The following PRKAR2B variants were observed in gnomAD, a reference collection of about 807,000 sequenced individuals.
PRKAR2B encodes the protein protein kinase cAMP-dependent type II regulatory subunit beta, also known as cAMP-dependent protein kinase type II-beta regulatory subunit.
A neutral mutation model predicts 49.9 loss-of-function variants in PRKAR2B; 14 were observed. The observed-to-expected ratio is 0.28, with a 90% confidence interval of 0.19 to 0.44. The LOEUF (loss-of-function observed/expected upper bound fraction) is 0.44. Among genes scored for constraint, PRKAR2B ranks in the 20% least tolerant of loss-of-function variants. PRKAR2B has a pLI of 1.00. For synonymous variants in PRKAR2B, 196 were observed against 197.7 expected (o/e 0.99, Z 0.07); for missense variants, 393 against 537.9 (o/e 0.73, Z 2.67).
intron 1 of PRKAR2B, among the ~76,000 whole-genome samples, chr7:107,052,727 C>T (rs1793831478): frequency 6.6e-6 from 1 of 152,224 alleles, no homozygotes; most frequent in South Asian, 2.1e-4. Context: ...TAAAAGTTTG[C>T]AGGCTAGCCC....
At chr7:107,136,979 G>A (rs1298926316) in intron 4 of PRKAR2B, among the ~76,000 whole-genome samples, 1 of 152,176 alleles carries the variant, frequency 6.6e-6, no homozygotes, top group African/African-American at 2.4e-5. Flanking sequence ...GAGTGATCTA[G>A]TTATGAAAAG....
chr7:107,156,972 T>G lies in PRKAR2B; in HGVS notation c.919-12T>G. ...CATTTTCACCGTCTGTTTTTGTTAT[T>G]GATTCCAATAGGGAGATTCGGCTGA... is the stretch of plus-strand genomic sequence containing the variant. On this transcript the variant is annotated splice_polypyrimidine_tract_variant and intron_variant, in intron 8 of 10. Coordinates refer to ENST00000265717, the MANE Select transcript of PRKAR2B (RefSeq NM_002736.3). 6.2e-7 allele frequency: 1 copy of G among 1,600,018 alleles called. No individual in the cohort carries two copies. The highest frequency in any genetic ancestry group is 1.1e-5 in the South Asian group (1 of 90,272).
chr7:107,119,749 C>T (rs1795354716), intron 2 of PRKAR2B, among the ~76,000 whole-genome samples: 1 of 152,182 alleles, frequency 6.6e-6, no homozygotes, highest in African/African-American at 2.4e-5. Context: ...CTTTGGTTTT[C>T]CAGCAGGGAG....
intron 1 of PRKAR2B, among the ~76,000 whole-genome samples, chr7:107,058,992 AT>A (rs1330945030): frequency 6.6e-6 from 1 of 151,740 alleles, no homozygotes; most frequent in East Asian, 1.9e-4. Flanking sequence ...AAGGTTTTTT[AT>A]TTTTTTTCCT....
intron 2 of PRKAR2B, among the ~76,000 whole-genome samples, chr7:107,084,623 CT>C (rs1228159993): frequency 2.1e-3 from 302 of 140,902 alleles, no homozygotes; most frequent in Non-Finnish European, 2.0e-3. Flanking sequence ...CATCTATATA[CT>C]TTTTTTTTTT....
At chr7:107,131,489 G>A (rs1208614515) in intron 4 of PRKAR2B, among the ~76,000 whole-genome samples, 1 of 152,068 alleles carries the variant, frequency 6.6e-6, no homozygotes, top group East Asian at 1.9e-4. Flanking sequence ...TTTTTTCACT[G>A]CTTTGCTGAA....
At chr7:107,067,195 T>C in intron 1 of PRKAR2B, 1 of 152,340 alleles carries the variant, frequency 6.6e-6, no homozygotes, top group Non-Finnish European at 1.5e-5. Context: ...ATTTCTTTAT[T>C]TCCAGCAAGG....
chr7:107,067,427 T>G (rs1379977664), intron 1 of PRKAR2B: 1 of 152,196 alleles, frequency 6.6e-6, no homozygotes, highest in Admixed American at 6.6e-5. Flanking sequence ...ACCACTTGCT[T>G]GGTGCACCCA....
chr7:107,145,900 C>T lies in PRKAR2B; in HGVS notation c.588-408C>T, dbSNP rs535064578. ...GATTATGGGATCCCGCCATCACACCCGGCTAATATTTTGTATTTTTAATAG... is the reference window on the plus strand; with the variant it reads ...GATTATGGGATCCCGCCATCACACCTGGCTAATATTTTGTATTTTTAATAG... On this transcript the variant is annotated intron_variant, in intron 5 of 10. Coordinates refer to ENST00000265717, the MANE Select transcript of PRKAR2B (RefSeq NM_002736.3). 8.6e-4 allele frequency among the ~76,000 whole-genome samples: 131 copies of T among 151,820 alleles called. 1 individual carries two copies. The highest frequency in any genetic ancestry group is 2.2e-3 in the African/African-American group (90 of 41,360).
intron 6 of PRKAR2B, among the ~76,000 whole-genome samples, chr7:107,147,867 A>G (rs954937649): frequency 6.6e-6 from 1 of 152,224 alleles, no homozygotes; most frequent in African/African-American, 2.4e-5. Context: ...TCCAAGGACT[A>G]CTGTATATAG....
intron 1 of PRKAR2B, among the ~76,000 whole-genome samples, chr7:107,064,510 G>C (rs377395818): frequency 2.0e-5 from 3 of 152,158 alleles, no homozygotes; most frequent in Admixed American, 1.3e-4. Flanking sequence ...AAGAAGAAAA[G>C]TGGTCTCCCA....
chr7:107,123,738 G>A (rs768604157), intron 3 of PRKAR2B, among the ~76,000 whole-genome samples: 2 of 152,208 alleles, frequency 1.3e-5, no homozygotes, highest in African/African-American at 2.4e-5. Flanking sequence ...GCAGTTACTA[G>A]AGGAGGAGGA....
chr7:107,103,700 T>A (rs1795017834), intron 2 of PRKAR2B, among the ~76,000 whole-genome samples: 1 of 152,256 alleles, frequency 6.6e-6, no homozygotes, highest in Non-Finnish European at 1.5e-5. Flanking sequence ...ACTGGCTTTT[T>A]CTATCGGTAG....
rs1584460107 is a variant in PRKAR2B at position 107,160,525 on chromosome 7, C to T, written c.*943C>T. 1 of 152,138 alleles carries T rather than the reference C, an allele frequency of 6.6e-6. No individual in the cohort carries two copies. The highest frequency in any genetic ancestry group is 6.5e-5 in the Admixed American group (1 of 15,272). The allele number at this position is 152,138 out of a possible 1,614,324, so 9.4% of individuals were successfully genotyped here. ...GCCCACAGTTTATTTCTTTGTTCTT[C>T]ACTAGGCCTGCATAATACAGTCCTA... On this transcript the variant is annotated 3_prime_UTR_variant, in exon 11 of 11. Coordinates refer to ENST00000265717, the MANE Select transcript of PRKAR2B (RefSeq NM_002736.3).
intron 2 of PRKAR2B, among the ~76,000 whole-genome samples, chr7:107,115,577 T>C (rs1434923296): frequency 6.6e-6 from 1 of 152,226 alleles, no homozygotes; most frequent in Non-Finnish European, 1.5e-5. Context: ...TGTAGACTTT[T>C]AAATTATGAA....
chr7:107,068,542 C>T (rs1224034978), intron 1 of PRKAR2B: 1 of 151,964 alleles, frequency 6.6e-6, no homozygotes, highest in Non-Finnish European at 1.5e-5. Context: ...TTATCTGATG[C>T]AAGTTTTTAA....
chr7:107,080,317 A>G (rs529607172), intron 2 of PRKAR2B, among the ~76,000 whole-genome samples: 67 of 152,314 alleles, frequency 4.4e-4, no homozygotes, highest in African/African-American at 1.5e-3. Flanking sequence ...ATCAAGTTTC[A>G]ACCAAGGCAG....
At chr7:107,145,308 GC>G (rs1795870256) in intron 5 of PRKAR2B, among the ~76,000 whole-genome samples, 1 of 152,168 alleles carries the variant, frequency 6.6e-6, no homozygotes, top group South Asian at 2.1e-4. Flanking sequence ...AAAGCAGATA[GC>G]CAGTTTGTGG....
At position 107,053,525 on chromosome 7, in the gene PRKAR2B, AGTGTGTGTGT is replaced by A. The variant is rs56855022; in HGVS notation, c.307+8346_307+8355del. 9.7e-4 allele frequency among the ~76,000 whole-genome samples: 138 copies of A among 141,994 alleles called. 1 individual carries two copies. The highest frequency in any genetic ancestry group is 2.0e-3 in the African/African-American group (77 of 38,406). 93.2% of individuals were successfully genotyped at this position (141,994 alleles called of 152,430 possible). The stretch of plus-strand genomic sequence containing the variant: ...TGATTCAAGCTTCTAGATTATAAAG[AGTGTGTGTGT>A]GTGTGTGTGTGTGTGTGTGTGTGTG... On this transcript the variant is annotated intron_variant, in intron 1 of 10. Transcript: ENST00000265717.
Sources: allele counts gnomAD v4.1 joint callset (sites outside exome capture counted in the v4.1 genomes callset), GRCh38; gene constraint gnomAD v4.1.1; transcripts MANE v1.5; gene names NCBI Gene and HGNC (gene_info 2026-07-23, HGNC 2026-07-21).